The following RSU1 variants were observed in gnomAD, a reference collection of about 807,000 sequenced individuals.
RSU1 encodes Ras suppressor protein 1.
A neutral mutation model predicts 31.1 loss-of-function variants in RSU1; 26 were observed. That is an observed-to-expected ratio of 0.84 (90% CI 0.61 to 1.16). RSU1 has a LOEUF of 1.16. Among genes scored for constraint, RSU1 ranks in the 50% most tolerant of loss-of-function variants. RSU1 has a pLI of 0.00. For synonymous variants in RSU1, 164 were observed against 136.3 expected, an observed-to-expected ratio of 1.20 and a Z score of -1.41; for missense variants, 320 against 339.1, an observed-to-expected ratio of 0.94 and a Z score of 0.44.
intron 8 of RSU1, among the ~76,000 whole-genome samples, chr10:16,660,214 G>A (rs376288061): frequency 1.2e-4 from 19 of 152,278 alleles, no homozygotes; most frequent in East Asian, 3.9e-4. Context: ...TTGGGCTTCC[G>A]AAGCTCAGGT....
intron 8 of RSU1, among the ~76,000 whole-genome samples, chr10:16,602,779 A>T (rs1190533516): frequency 6.6e-6 from 1 of 152,244 alleles, no homozygotes; most frequent in Non-Finnish European, 1.5e-5. Flanking sequence ...GGCCAGTGAA[A>T]ATAATGGAGA....
At chr10:16,714,497 C>A (rs1836092075) in intron 7 of RSU1, among the ~76,000 whole-genome samples, 1 of 152,176 alleles carries the variant, frequency 6.6e-6, no homozygotes. Context: ...GCTATGGATG[C>A]ACCGCGCTTG....
chr10:16,686,419 A>T (rs1410002326), intron 8 of RSU1, among the ~76,000 whole-genome samples: 1 of 152,244 alleles, frequency 6.6e-6, no homozygotes, highest in Non-Finnish European at 1.5e-5. Context: ...AGTGAGGTCA[A>T]TATCCAATAG....
intron 8 of RSU1, among the ~76,000 whole-genome samples, chr10:16,664,612 G>A (rs1167354046): frequency 1.3e-5 from 2 of 152,048 alleles, no homozygotes; most frequent in African/African-American, 4.8e-5. Context: ...TGATCCTGCA[G>A]TGGTCACTTG....
chr10:16,678,446 G>A (rs1026081414), intron 8 of RSU1, among the ~76,000 whole-genome samples: 3 of 152,088 alleles, frequency 2.0e-5, no homozygotes, highest in African/African-American at 4.8e-5. Context: ...TCCAAGATTC[G>A]GGACTCATTT....
intron 7 of RSU1, among the ~76,000 whole-genome samples, chr10:16,743,864 C>G (rs1037794195): frequency 4.6e-5 from 7 of 152,142 alleles, no homozygotes; most frequent in African/African-American, 1.7e-4. Context: ...AGGTGGGTGG[C>G]TGATTCCTGT....
intron 7 of RSU1, among the ~76,000 whole-genome samples, chr10:16,725,671 GT>G (rs368297723): frequency 2.8e-4 from 43 of 151,776 alleles, no homozygotes; most frequent in African/African-American, 9.9e-4. Flanking sequence ...AGAGGATGCA[GT>G]GTCACCAGAT....
chr10:16,695,162 G>GGGA lies in RSU1; in HGVS notation c.599-8_599-7insTCC. On this transcript the variant is annotated splice_polypyrimidine_tract_variant and splice_region_variant and intron_variant, in intron 7 of 8. Coordinates refer to ENST00000345264, the MANE Select transcript of RSU1 (RefSeq NM_012425.4). ...CCAGTTAAATCCAAGTTTCCTGGGG[G>GGGA]GGGGGAAAAAAAAAGTGAAGGTCAC... 1 of 1,479,654 alleles carries GGGA rather than the reference G, an allele frequency of 6.8e-7. No individual in the cohort carries two copies. Among genetic ancestry groups the GGGA allele is most frequent in the South Asian group, 1.2e-5 (1 of 83,610 alleles). The allele number at this position is 1,479,654 out of a possible 1,614,324, so 91.7% of individuals were successfully genotyped here.
chr10:16,770,217 C>T (rs575683295), intron 3 of RSU1, among the ~76,000 whole-genome samples: 3 of 152,004 alleles, frequency 2.0e-5, no homozygotes, highest in Admixed American at 6.6e-5. Context: ...CCGTAAGGAG[C>T]GACAGACTCT....
chr10:16,753,871 C>T (rs534005089), intron 5 of RSU1, among the ~76,000 whole-genome samples: 1 of 152,178 alleles, frequency 6.6e-6, no homozygotes, highest in African/African-American at 2.4e-5. Context: ...ACTCTTTCTA[C>T]CTCAGCCTCC....
chr10:16,630,075 T>A (rs557816320), intron 8 of RSU1, among the ~76,000 whole-genome samples: 1 of 152,296 alleles, frequency 6.6e-6, no homozygotes, highest in South Asian at 2.1e-4. Flanking sequence ...TTAAATTTTT[T>A]TTTTTATTTT....
chr10:16,799,463 C>T lies in RSU1; in HGVS notation c.110-17379G>A, dbSNP rs373641366. Among the ~76,000 whole-genome samples the T allele has an allele frequency of 1.1e-4, 17 of 152,044 alleles. No homozygotes were observed. In the East Asian group the frequency reaches 2.5e-3, roughly 22 times the overall value. On this transcript the variant is annotated intron_variant, in intron 2 of 8. Coordinates refer to ENST00000345264, the MANE Select transcript of RSU1 (RefSeq NM_012425.4). Reference sequence around the variant, plus strand: ...GTAGGAATGCCTCAAGGGTAACTGCCGAATTGCCAGAGACTGAGTGGTAAA... The same window carrying T: ...GTAGGAATGCCTCAAGGGTAACTGCTGAATTGCCAGAGACTGAGTGGTAAA...
At position 16,663,658 on chromosome 10, in the gene RSU1, A is replaced by C. The variant is rs76805849; in HGVS notation, c.731+31365T>G. 2.0e-3 allele frequency among the ~76,000 whole-genome samples: 310 copies of C among 152,282 alleles called. 5 individuals are homozygous for C. In the East Asian group the frequency reaches 0.054, roughly 27 times the overall value. On this transcript the variant is annotated intron_variant, in intron 8 of 8. Transcript: ENST00000345264. The stretch of plus-strand genomic sequence containing the variant: ...GCGCAGTACAACTACATGTGTCGTC[A>C]GTATGCAGAGGTCACCCTTGCACTC...
At chr10:16,709,428 C>T (rs567134097) in intron 7 of RSU1, among the ~76,000 whole-genome samples, 202 of 152,264 alleles carry the variant, frequency 1.3e-3, no homozygotes, top group African/African-American at 4.7e-3. Context: ...CAAGTCTTTG[C>T]TATTGTGAAT....
chr10:16,708,695 A>G lies in RSU1; in HGVS notation c.599-13540T>C, dbSNP rs1345666059. On this transcript the variant is annotated intron_variant, in intron 7 of 8. Coordinates refer to ENST00000345264, the MANE Select transcript of RSU1 (RefSeq NM_012425.4). ...TAATATGGCCATCTTAACTATATTA[A>G]TTCTTCCAAACCATGAAGACAAAGT... Among the ~76,000 whole-genome samples, 4 of 152,204 alleles carry G rather than the reference A, an allele frequency of 2.6e-5. No individual in the cohort carries two copies. The East Asian group carries it at 5.8e-4, about 22-fold the overall frequency.
chr10:16,785,457 T>TATATACAC (rs879683799), intron 2 of RSU1, among the ~76,000 whole-genome samples: 2,477 of 122,678 alleles, frequency 0.02, 136 homozygotes, highest in African/African-American at 0.062. Context: ...TATACATATA[T>TATATACAC]ACATATATAT....
intron 8 of RSU1, among the ~76,000 whole-genome samples, chr10:16,642,069 A>G (rs1359874238): frequency 6.6e-6 from 1 of 152,184 alleles, no homozygotes; most frequent in Non-Finnish European, 1.5e-5. Flanking sequence ...TGATTTTTTT[A>G]GGATATGGAA....
intron 8 of RSU1, among the ~76,000 whole-genome samples, chr10:16,675,232 T>C (rs1039403309): frequency 1.4e-5 from 2 of 144,856 alleles, no homozygotes; most frequent in Admixed American, 1.4e-4. Context: ...GAAAAAAAAG[T>C]GTAAAGCTGT....
intron 7 of RSU1, among the ~76,000 whole-genome samples, chr10:16,735,403 G>A (rs1375096321): frequency 6.6e-6 from 1 of 152,174 alleles, no homozygotes; most frequent in Admixed American, 6.5e-5. Flanking sequence ...GTGTAAATGG[G>A]TAAGAAAAGA....
Sources: gnomAD v4.1 joint callset for allele counts (sites outside exome capture counted in the v4.1 genomes callset) on GRCh38, gnomAD v4.1.1 for gene constraint, MANE v1.5 for transcripts, NCBI Gene and HGNC (gene_info 2026-07-23, HGNC 2026-07-21) for gene names.